Variants in FAM3C observed in about 807,000 individuals in gnomAD.
The protein encoded by FAM3C is FAM3 metabolism regulating signaling molecule C, also known as protein FAM3C.
Under a neutral mutation model 32.5 loss-of-function variants are expected in FAM3C, and 15 were observed. That is an observed-to-expected ratio of 0.46 (90% CI 0.31 to 0.71). The LOEUF is 0.71. Among genes scored for constraint, FAM3C ranks in the 30% least tolerant of loss-of-function variants. The probability of loss-of-function intolerance (pLI) is 0.05; values close to 1 mark genes in which losing one functional copy is unlikely to be tolerated. For missense variants in FAM3C, 175 were observed against 274.4 expected, an observed-to-expected ratio of 0.64 and a Z score of 2.56; for synonymous variants, 75 against 86.1, an observed-to-expected ratio of 0.87 and a Z score of 0.72.
chr7:121,370,339 C>T (rs1794120729), intron 5 of FAM3C, among the ~76,000 whole-genome samples: 1 of 152,122 alleles, frequency 6.6e-6, no homozygotes, highest in Non-Finnish European at 1.5e-5. Context: ...TTACAGCTAA[C>T]TGCCTGCAAA....
At chr7:121,367,466 T>C (rs1794045250) in intron 5 of FAM3C, among the ~76,000 whole-genome samples, 1 of 152,314 alleles carries the variant, frequency 6.6e-6, no homozygotes, top group South Asian at 2.1e-4. Flanking sequence ...AGTACATACA[T>C]AATAACCTTG....
chr7:121,378,780 CAA>C (rs1794292142), intron 3 of FAM3C, 128 bp downstream of exon 3: 1 of 454,250 alleles, frequency 2.2e-6, no homozygotes. Context: ...AATATTCTAA[CAA>C]ATCATATTTA....
intron 1 of FAM3C, among the ~76,000 whole-genome samples, chr7:121,385,532 A>T (rs1352286956): frequency 3.3e-5 from 5 of 152,160 alleles, no homozygotes; most frequent in Non-Finnish European, 1.5e-5. Flanking sequence ...CAATTTAAAC[A>T]TTCCTTTGGC....
At chr7:121,358,029 TAG>T (rs1170933106) in intron 8 of FAM3C, among the ~76,000 whole-genome samples, 1 of 138,776 alleles carries the variant, frequency 7.2e-6, no homozygotes, top group African/African-American at 3.0e-5. Flanking sequence ...CAAAAGCAAA[TAG>T]CAAGTTACCT....
At chr7:121,381,373 T>C (rs1009146272) in intron 2 of FAM3C, among the ~76,000 whole-genome samples, 3 of 152,180 alleles carry the variant, frequency 2.0e-5, no homozygotes, top group Non-Finnish European at 4.4e-5. Context: ...CTAATTGTCC[T>C]TATTCATTCA....
rs746376831 is a variant in FAM3C at position 121,350,564 on chromosome 7, G to C, written c.595-14C>G. ...GTTCTTTATGTGCTATTGGAACACA[G>C]TAATAATATACAGTTTAAAAAACCG... is the stretch of plus-strand genomic sequence containing the variant. On this transcript the variant is annotated splice_polypyrimidine_tract_variant and intron_variant, in intron 9 of 9. Transcript: ENST00000359943. 6.2e-7 allele frequency: 1 copy of C among 1,611,980 alleles called. No individual in the cohort carries two copies. Among genetic ancestry groups the C allele is most frequent in the South Asian group, 1.1e-5 (1 of 91,018 alleles).
At position 121,387,805 on chromosome 7, in the gene FAM3C, A is replaced by T. The variant is rs191912150; in HGVS notation, c.-41-4795T>A. ...ATGGGATTATTTTTATGATAGGTTT[A>T]AAAAAAGAGTGAAGTAAATGTGCAT... On this transcript the variant is annotated intron_variant, in intron 1 of 9. Transcript: ENST00000359943. Among the ~76,000 whole-genome samples the T allele has an allele frequency of 7.2e-5, 11 of 152,226 alleles. No individual in the cohort carries two copies. In the East Asian group the frequency reaches 1.9e-3, roughly 27 times the overall value.
rs1344529717 is a variant in FAM3C at position 121,351,266 on chromosome 7, G to C, written c.471C>G (p.Leu157=). The C allele has an allele frequency of 3.1e-6, 5 of 1,613,230 alleles. No individual in the cohort carries two copies. Among genetic ancestry groups the C allele is most frequent in the African/African-American group, 2.7e-5 (2 of 74,998 alleles). Residue 157 remains leucine, a synonymous_variant, in exon 9 of 10, where the codon CTC becomes CTG. Transcript: ENST00000359943. ...CAATGAGCCGCCGTGCCTCATCATT[G>C]AGTCTTGAAGAGGGAGAGAAAGAAT... is the stretch of plus-strand genomic sequence containing the variant. ...MGTYDDGATK[L]NDEARRLIAD...
At chr7:121,391,523 A>C (rs1195892305) in intron 1 of FAM3C, among the ~76,000 whole-genome samples, 1 of 152,212 alleles carries the variant, frequency 6.6e-6, no homozygotes, top group Non-Finnish European at 1.5e-5. Flanking sequence ...CATCTCATGT[A>C]ACTATCTCAC....
rs147464325 is a variant in FAM3C, at chr7:121,393,362, G to T, written c.-42+2800C>A. 1.4e-4 allele frequency among the ~76,000 whole-genome samples: 22 copies of T among 152,244 alleles called. No homozygotes were observed. In the East Asian group the frequency reaches 3.1e-3, roughly 21 times the overall value. On this transcript the variant is annotated intron_variant, in intron 1 of 9. Coordinates refer to ENST00000359943, the MANE Select transcript of FAM3C (RefSeq NM_014888.3). Reference sequence around the variant, plus strand: ...AAACCTAGCTACTCCACAGGCTAAGGTGGAGTTCAAGGCTACAGTGAGTTA... The same window carrying T: ...AAACCTAGCTACTCCACAGGCTAAGTTGGAGTTCAAGGCTACAGTGAGTTA...
intron 1 of FAM3C, among the ~76,000 whole-genome samples, chr7:121,394,569 C>G (rs1485010324): frequency 6.6e-6 from 1 of 152,230 alleles, no homozygotes; most frequent in Admixed American, 6.5e-5. Context: ...AGGTTGAGAA[C>G]TGCTGGACTG....
chr7:121,378,833 G>C (rs577773549), intron 3 of FAM3C, 77 bp downstream of exon 3: 21 of 649,198 alleles, frequency 3.2e-5, no homozygotes, highest in Non-Finnish European at 5.3e-5. Context: ...AGCACTGAGT[G>C]ACTCAGTGCT....
Position 121,382,970 on chromosome 7 carries a change from G to A in FAM3C, c.-1C>T. The stretch of plus-strand genomic sequence containing the variant: ...TAAATATCTTACCTGCTACCCTCAT[G>A]TTTGGTTTTTCAGTTTATGGCACTT... On this transcript the variant is annotated 5_prime_UTR_variant, in exon 2 of 10. Coordinates refer to ENST00000359943, the MANE Select transcript of FAM3C (RefSeq NM_014888.3). 1 of 1,602,018 alleles carries A rather than the reference G, an allele frequency of 6.2e-7. No individual in the cohort carries two copies. The highest frequency in any genetic ancestry group is 8.5e-7 in the Non-Finnish European group (1 of 1,172,438).
chr7:121,395,651 A>G (rs542472257), intron 1 of FAM3C, among the ~76,000 whole-genome samples: 1 of 152,224 alleles, frequency 6.6e-6, no homozygotes, highest in East Asian at 1.9e-4. Flanking sequence ...GACACCAAAC[A>G]TCAAAGGGCT....
intron 5 of FAM3C, 73 bp from the exon 6 acceptor site, chr7:121,364,261 G>T: frequency 9.9e-7 from 1 of 1,014,240 alleles, no homozygotes; most frequent in Non-Finnish European, 1.5e-6. Context: ...ATAAAGTCTT[G>T]CAAAAAAAGT....
intron 4 of FAM3C, 140 bp downstream of exon 4, chr7:121,371,970 C>A: frequency 1.7e-6 from 1 of 600,888 alleles, no homozygotes; most frequent in Non-Finnish European, 2.9e-6. Context: ...GCTGTCCAAT[C>A]AAATAGCATC....
At chr7:121,390,701 A>G (rs1794556032) in intron 1 of FAM3C, among the ~76,000 whole-genome samples, 1 of 151,870 alleles carries the variant, frequency 6.6e-6, no homozygotes, top group African/African-American at 2.4e-5. Flanking sequence ...TCCTGAGCCA[A>G]CTGCATACCT....
chr7:121,382,979 T>C lies in FAM3C; in HGVS notation c.-10A>G, dbSNP rs1205502431. The C allele has an allele frequency of 6.2e-7, 1 of 1,602,482 alleles. No individual in the cohort carries two copies. Among genetic ancestry groups the C allele is most frequent in the South Asian group, 1.1e-5 (1 of 89,996 alleles). On this transcript the variant is annotated 5_prime_UTR_variant, in exon 2 of 10. Coordinates refer to ENST00000359943, the MANE Select transcript of FAM3C (RefSeq NM_014888.3). ...TACCTGCTACCCTCATGTTTGGTTT[T>C]TCAGTTTATGGCACTTTTCATTAAT...
chr7:121,381,297 C>A (rs992812491), intron 2 of FAM3C, among the ~76,000 whole-genome samples: 5 of 152,034 alleles, frequency 3.3e-5, no homozygotes, highest in African/African-American at 1.2e-4. Context: ...GAGGATATTT[C>A]AAAGCAATCA....
Sources: allele counts gnomAD v4.1 joint callset (sites outside exome capture counted in the v4.1 genomes callset), GRCh38; gene constraint gnomAD v4.1.1; transcripts MANE v1.5; gene names NCBI Gene and HGNC (gene_info 2026-07-23, HGNC 2026-07-21).